Variants in CNTNAP5 observed in about 807,000 individuals in gnomAD.
The protein encoded by CNTNAP5 is contactin associated protein family member 5.
A neutral mutation model predicts 150.2 loss-of-function variants in CNTNAP5; 72 were observed. That is an observed-to-expected ratio of 0.48 (90% CI 0.40 to 0.58). The LOEUF is 0.58. Ranked by LOEUF, CNTNAP5 falls within the 20% of genes least tolerant of loss-of-function variation. The pLI is 0.00. For synonymous variants in CNTNAP5, 672 were observed against 619.8 expected (o/e 1.08, Z -1.25); for missense variants, 1,636 against 1,626.2 (o/e 1.01, Z -0.10).
At chr2:124,851,829 T>G (rs1356339346) in intron 19 of CNTNAP5, among the ~76,000 whole-genome samples, 1 of 152,198 alleles carries the variant, frequency 6.6e-6, no homozygotes, top group Non-Finnish European at 1.5e-5. Context: ...ATAAAGTGGC[T>G]TATAAACAGT....
intron 19 of CNTNAP5, among the ~76,000 whole-genome samples, chr2:124,801,301 C>T (rs1681960964): frequency 6.6e-6 from 1 of 152,184 alleles, no homozygotes. Context: ...ACTAAAAAAT[C>T]TGCCTTCAAC....
At chr2:124,109,011 G>A (rs960927903) in intron 1 of CNTNAP5, among the ~76,000 whole-genome samples, 1 of 152,048 alleles carries the variant, frequency 6.6e-6, no homozygotes, top group Non-Finnish European at 1.5e-5. Flanking sequence ...GATAAATTAA[G>A]TAGGAGCATA....
intron 10 of CNTNAP5, among the ~76,000 whole-genome samples, chr2:124,556,130 G>A (rs1695750296): frequency 6.6e-6 from 1 of 152,162 alleles, no homozygotes; most frequent in African/African-American, 2.4e-5. Context: ...TCACTTTTAG[G>A]GAGATGATCT....
intron 3 of CNTNAP5, among the ~76,000 whole-genome samples, chr2:124,266,619 T>C (rs2104607688): frequency 6.6e-6 from 1 of 152,312 alleles, no homozygotes; most frequent in East Asian, 1.9e-4. Context: ...GAGGAGTATT[T>C]TTCCTGATGC....
intron 1 of CNTNAP5, among the ~76,000 whole-genome samples, chr2:124,142,795 A>C (rs1684149895): frequency 6.7e-6 from 1 of 149,836 alleles, no homozygotes; most frequent in African/African-American, 2.5e-5. Context: ...AAATCAGAGC[A>C]GAACTGAAGG....
At chr2:124,713,243 C>CTTTTTTTCTTTCTT (rs1280851827) in intron 13 of CNTNAP5, among the ~76,000 whole-genome samples, 25 of 65,194 alleles carry the variant, frequency 3.8e-4, no homozygotes, top group East Asian at 2.3e-3. Context: ...TTCTTTCTTT[C>CTTTTTTTCTTTCTT]TCTTTCTTTC....
At chr2:124,196,675 T>C (rs1007034499) in intron 1 of CNTNAP5, among the ~76,000 whole-genome samples, 3 of 152,158 alleles carry the variant, frequency 2.0e-5, no homozygotes, top group African/African-American at 4.8e-5. Flanking sequence ...CACAAAGCAT[T>C]TTAAAATAGG....
At chr2:124,265,130 G>A (rs1247088176) in intron 3 of CNTNAP5, among the ~76,000 whole-genome samples, 3 of 152,180 alleles carry the variant, frequency 2.0e-5, no homozygotes, top group African/African-American at 7.2e-5. Context: ...TTCAGACAGG[G>A]ACTGGTAAAA....
intron 3 of CNTNAP5, among the ~76,000 whole-genome samples, chr2:124,345,472 G>C (rs778469353): frequency 6.6e-6 from 1 of 152,110 alleles, no homozygotes; most frequent in Non-Finnish European, 1.5e-5. Flanking sequence ...TAGTATGGGG[G>C]AGGAATTACA....
At chr2:124,836,457 A>G (rs1301772072) in intron 19 of CNTNAP5, among the ~76,000 whole-genome samples, 1 of 152,124 alleles carries the variant, frequency 6.6e-6, no homozygotes, top group Non-Finnish European at 1.5e-5. Flanking sequence ...TAGACTGTTT[A>G]TAGAGGGAGG....
chr2:124,327,066 C>T lies in CNTNAP5; in HGVS notation c.381+84673C>T, dbSNP rs963203002. On this transcript the variant is annotated intron_variant, in intron 3 of 23. Coordinates refer to ENST00000682447, the MANE Select transcript of CNTNAP5 (RefSeq NM_001367498.1). ...TGCGATCTCAGCTCACTGCAAGCTC[C>T]GCCTCCTGGGTTCAAGCGATTCTCC... Among the ~76,000 whole-genome samples, 20 of 150,132 alleles carry T rather than the reference C, an allele frequency of 1.3e-4. No individual in the cohort carries two copies. In the South Asian group the frequency reaches 1.9e-3, roughly 14 times the overall value.
chr2:124,559,193 A>C (rs1198201079), intron 10 of CNTNAP5, among the ~76,000 whole-genome samples: 2 of 152,186 alleles, frequency 1.3e-5, no homozygotes, highest in African/African-American at 2.4e-5. Flanking sequence ...AGCCCCACCT[A>C]GCAATGATCC....
At chr2:124,694,171 A>G (rs900400096) in intron 13 of CNTNAP5, among the ~76,000 whole-genome samples, 3 of 152,184 alleles carry the variant, frequency 2.0e-5, no homozygotes, top group African/African-American at 7.2e-5. Flanking sequence ...GTTTCTTCAA[A>G]TGAATGCTTT....
At chr2:124,448,525 C>G (rs73952974) in intron 6 of CNTNAP5, among the ~76,000 whole-genome samples, 7,212 of 152,138 alleles carry the variant, frequency 0.047, 187 homozygotes, top group Non-Finnish European at 0.051. Context: ...TTGAAGTCTA[C>G]CATAGTGGAA....
chr2:124,388,391 C>T (rs1321513492), intron 3 of CNTNAP5, among the ~76,000 whole-genome samples: 5 of 152,316 alleles, frequency 3.3e-5, no homozygotes, highest in South Asian at 4.1e-4. Context: ...GGCAAGCATG[C>T]GGTTCTGCAG....
intron 13 of CNTNAP5, among the ~76,000 whole-genome samples, chr2:124,711,848 A>AG (rs1679814655): frequency 6.6e-6 from 1 of 152,126 alleles, no homozygotes; most frequent in African/African-American, 2.4e-5. Context: ...CTCAAAAAAA[A>AG]CAATAACAAT....
intron 1 of CNTNAP5, among the ~76,000 whole-genome samples, chr2:124,160,032 A>C (rs1163538571): frequency 6.6e-6 from 1 of 152,138 alleles, no homozygotes; most frequent in African/African-American, 2.4e-5. Context: ...ACACCAGAGG[A>C]ACAGACTCTC....
At position 124,918,275 on chromosome 2, in the gene CNTNAP5, G is replaced by T. The variant is rs1356560660; in HGVS notation, c.*3987G>T. Among the ~76,000 whole-genome samples, 1 of 151,998 alleles carries T rather than the reference G, an allele frequency of 6.6e-6. No individual in the cohort carries two copies. On this transcript the variant is annotated 3_prime_UTR_variant, in exon 24 of 24. Coordinates refer to ENST00000682447, the MANE Select transcript of CNTNAP5 (RefSeq NM_001367498.1). Reference sequence around the variant, plus strand: ...TCCAGATGTTCCTGAAGGTGGTTTGGTTGTCATCCAGCTCTTCCTAAAACC... The same window carrying T: ...TCCAGATGTTCCTGAAGGTGGTTTGTTTGTCATCCAGCTCTTCCTAAAACC...
At chr2:124,775,370 G>T (rs1482837) in intron 17 of CNTNAP5, among the ~76,000 whole-genome samples, 18,983 of 152,186 alleles carry the variant, frequency 0.12, 1,350 homozygotes, top group Non-Finnish European at 0.16. Context: ...ATTTGCTAGG[G>T]AGGAAAAGAT....
Sources: gnomAD v4.1 joint callset for allele counts (sites outside exome capture counted in the v4.1 genomes callset) on GRCh38, gnomAD v4.1.1 for gene constraint, MANE v1.5 for transcripts, NCBI Gene and HGNC (gene_info 2026-07-23, HGNC 2026-07-21) for gene names.